The following TBC1D5 variants were observed in gnomAD, a reference collection of about 807,000 sequenced individuals.
The protein encoded by TBC1D5 is TBC1 domain family member 5, also known as TBC1 domain family, member 5.
Under a neutral mutation model 100.3 loss-of-function variants are expected in TBC1D5, and 75 were observed. The ratio of observed to expected loss-of-function variants is 0.75; its 90% CI spans 0.62 to 0.91. The LOEUF (loss-of-function observed/expected upper bound fraction) is 0.91. TBC1D5 is among the 40% of genes least tolerant of loss of function. TBC1D5 has a pLI of 0.00. For synonymous variants in TBC1D5, 323 were observed against 325.6 expected, an observed-to-expected ratio of 0.99 and a Z score of 0.09; for missense variants, 910 against 942.4, an observed-to-expected ratio of 0.97 and a Z score of 0.45.
chr3:17,463,288 T>C (rs533545341), intron 3 of TBC1D5, among the ~76,000 whole-genome samples: 1 of 152,290 alleles, frequency 6.6e-6, no homozygotes, highest in East Asian at 1.9e-4. Flanking sequence ...GGACTAGGTG[T>C]CAAAAGCCAG....
At chr3:17,215,320 C>T (rs547045294) in intron 17 of TBC1D5, among the ~76,000 whole-genome samples, 1 of 152,058 alleles carries the variant, frequency 6.6e-6, no homozygotes, top group Non-Finnish European at 1.5e-5. Flanking sequence ...GAGGTGGTCA[C>T]ATTTTGGACA....
intron 3 of TBC1D5, among the ~76,000 whole-genome samples, chr3:17,430,416 G>A (rs910912719): frequency 1.3e-5 from 2 of 151,318 alleles, no homozygotes; most frequent in Non-Finnish European, 3.0e-5. Flanking sequence ...AAACAACCAG[G>A]TTTTATCATA....
intron 2 of TBC1D5, among the ~76,000 whole-genome samples, chr3:17,514,141 A>C (rs2095951402): frequency 6.6e-6 from 1 of 152,178 alleles, no homozygotes; most frequent in Admixed American, 6.5e-5. Context: ...ATTGGACTTT[A>C]AGTTAATTAA....
chr3:17,314,297 A>T (rs2084397223), intron 13 of TBC1D5, among the ~76,000 whole-genome samples: 1 of 152,128 alleles, frequency 6.6e-6, no homozygotes, highest in African/African-American at 2.4e-5. Flanking sequence ...CTTCTTGACC[A>T]CAGATGATCT....
intron 13 of TBC1D5, among the ~76,000 whole-genome samples, chr3:17,327,045 CATT>C (rs1174439127): frequency 1.3e-5 from 2 of 152,194 alleles, no homozygotes; most frequent in East Asian, 1.9e-4. Flanking sequence ...TTGATACCAA[CATT>C]ATTAACACCA....
chr3:17,724,603 G>A (rs1018357052), intron 1 of TBC1D5, among the ~76,000 whole-genome samples: 3 of 152,006 alleles, frequency 2.0e-5, no homozygotes, highest in Admixed American at 6.6e-5. Flanking sequence ...TTTTCTTTAC[G>A]TTATTCTGCT....
chr3:17,436,427 C>CT (rs1457003848), intron 3 of TBC1D5, among the ~76,000 whole-genome samples: 2 of 152,152 alleles, frequency 1.3e-5, no homozygotes, highest in Non-Finnish European at 2.9e-5. Context: ...TAAAAGGCTA[C>CT]TAGTTCTACA....
At chr3:17,192,766 T>C (rs998663541) in intron 18 of TBC1D5, among the ~76,000 whole-genome samples, 3 of 152,264 alleles carry the variant, frequency 2.0e-5, no homozygotes, top group South Asian at 2.1e-4. Context: ...AGCTTTTGTA[T>C]GGCCAGGTAG....
intron 18 of TBC1D5, among the ~76,000 whole-genome samples, chr3:17,208,923 T>C (rs778822491): frequency 1.2e-4 from 18 of 152,214 alleles, no homozygotes; most frequent in Non-Finnish European, 1.9e-4. Flanking sequence ...TACTTTGCTG[T>C]AATTTTTAGT....
chr3:17,708,077 A>G (rs893364950), intron 1 of TBC1D5, among the ~76,000 whole-genome samples: 2 of 152,174 alleles, frequency 1.3e-5, no homozygotes, highest in African/African-American at 2.4e-5. Flanking sequence ...CACCACCCCC[A>G]GTGGCATTCC....
intron 1 of TBC1D5, among the ~76,000 whole-genome samples, chr3:17,719,438 TTAGA>T (rs2075516242): frequency 1.3e-5 from 2 of 152,312 alleles, no homozygotes; most frequent in South Asian, 2.1e-4. Flanking sequence ...AAATGGACTA[TTAGA>T]TAAACTTAAA....
At chr3:17,378,434 T>C (rs1418564371) in intron 9 of TBC1D5, among the ~76,000 whole-genome samples, 1 of 151,874 alleles carries the variant, frequency 6.6e-6, no homozygotes, top group Non-Finnish European at 1.5e-5. Flanking sequence ...CACAGTTAAA[T>C]TGTTATAGTT....
intron 2 of TBC1D5, among the ~76,000 whole-genome samples, chr3:17,612,169 G>A (rs1365623750): frequency 6.6e-6 from 1 of 151,732 alleles, no homozygotes; most frequent in Non-Finnish European, 1.5e-5. Context: ...GTGTGGTGGT[G>A]TGTACCTGTA....
At chr3:17,528,712 T>C (rs181670874) in intron 2 of TBC1D5, among the ~76,000 whole-genome samples, 1 of 152,296 alleles carries the variant, frequency 6.6e-6, no homozygotes, top group East Asian at 1.9e-4. Flanking sequence ...TATACTCTAG[T>C]AAGCACCCAA....
chr3:17,691,142 T>C (rs917864695), intron 1 of TBC1D5, among the ~76,000 whole-genome samples: 1 of 152,156 alleles, frequency 6.6e-6, no homozygotes, highest in African/African-American at 2.4e-5. Flanking sequence ...AAGGAGTCTA[T>C]CACAAGAAAA....
chr3:17,288,248 G>C (rs2081361213), intron 15 of TBC1D5, among the ~76,000 whole-genome samples: 1 of 152,018 alleles, frequency 6.6e-6, no homozygotes, highest in African/African-American at 2.4e-5. Flanking sequence ...GATTTCTATA[G>C]AATAGATAAA....
chr3:17,350,854 C>T (rs952662208), intron 13 of TBC1D5, among the ~76,000 whole-genome samples: 7 of 152,108 alleles, frequency 4.6e-5, no homozygotes, highest in Non-Finnish European at 1.0e-4. Flanking sequence ...ATTCAGGCTG[C>T]TATACAACAG....
At chr3:17,256,396 AATAT>A (rs944868207) in intron 16 of TBC1D5, among the ~76,000 whole-genome samples, 3 of 146,618 alleles carry the variant, frequency 2.0e-5, no homozygotes, top group African/African-American at 7.4e-5. Context: ...ATATATATAT[AATAT>A]ATATATAAAC....
At chr3:17,173,732 A>G (rs1383736016) in intron 19 of TBC1D5, among the ~76,000 whole-genome samples, 1 of 152,184 alleles carries the variant, frequency 6.6e-6, no homozygotes, top group African/African-American at 2.4e-5. Context: ...AGGAATTTAG[A>G]TACCCTGATC....
Sources: allele counts gnomAD v4.1 joint callset (sites outside exome capture counted in the v4.1 genomes callset), GRCh38; gene constraint gnomAD v4.1.1; transcripts MANE v1.5; gene names NCBI Gene and HGNC (gene_info 2026-07-23, HGNC 2026-07-21).